Variants in PCCA observed in about 807,000 individuals in gnomAD.
PCCA encodes propionyl-CoA carboxylase subunit alpha, also known as propionyl-CoA carboxylase alpha chain, mitochondrial.
A neutral mutation model predicts 101.3 loss-of-function variants in PCCA; 74 were observed. That is an observed-to-expected ratio of 0.73 (90% CI 0.61 to 0.89). PCCA has a LOEUF of 0.89. PCCA is among the 40% of genes least tolerant of loss of function. PCCA has a pLI of 0.00. For synonymous variants in PCCA, 294 were observed against 313.6 expected (o/e 0.94, Z 0.66); for missense variants, 891 against 907.0 (o/e 0.98, Z 0.23).
At chr13:100,504,629 CT>C (rs1278706282) in intron 21 of PCCA, among the ~76,000 whole-genome samples, 1 of 152,150 alleles carries the variant, frequency 6.6e-6, no homozygotes, top group African/African-American at 2.4e-5. Flanking sequence ...TGTTCTGAGG[CT>C]TCTTCATACA....
At chr13:100,462,909 G>A (rs1329844618) in intron 21 of PCCA, among the ~76,000 whole-genome samples, 1 of 152,174 alleles carries the variant, frequency 6.6e-6, no homozygotes, top group Non-Finnish European at 1.5e-5. Flanking sequence ...GGGATTCTGG[G>A]GCTGAGGTGA....
chr13:100,478,267 G>A (rs1020968357), intron 21 of PCCA, among the ~76,000 whole-genome samples: 15 of 152,044 alleles, frequency 9.9e-5, no homozygotes, highest in African/African-American at 3.1e-4. Context: ...GCGGTCTGTC[G>A]CCATTGTGGC....
chr13:100,422,273 A>G (rs1203904351), intron 19 of PCCA, among the ~76,000 whole-genome samples: 3 of 151,456 alleles, frequency 2.0e-5, no homozygotes, highest in African/African-American at 7.3e-5. Flanking sequence ...AGCTGAGACT[A>G]CGGGCACTGG....
At chr13:100,300,508 G>C (rs2065982531) in intron 12 of PCCA, among the ~76,000 whole-genome samples, 1 of 152,130 alleles carries the variant, frequency 6.6e-6, no homozygotes, top group Non-Finnish European at 1.5e-5. Context: ...GACATGTCAT[G>C]ATAAAGAAAC....
At chr13:100,516,929 G>T (rs1442234036) in intron 22 of PCCA, among the ~76,000 whole-genome samples, 1 of 151,922 alleles carries the variant, frequency 6.6e-6, no homozygotes, top group Non-Finnish European at 1.5e-5. Context: ...ACAATATAAG[G>T]GTTTTGTTTT....
intron 1 of PCCA, among the ~76,000 whole-genome samples, chr13:100,092,568 A>T (rs2046380800): frequency 6.6e-6 from 1 of 151,740 alleles, no homozygotes; most frequent in African/African-American, 2.4e-5. Context: ...TTTAATTTTT[A>T]TTTTTTGTAG....
intron 19 of PCCA, among the ~76,000 whole-genome samples, chr13:100,416,626 G>A (rs1397209451): frequency 2.6e-5 from 4 of 151,310 alleles, no homozygotes; most frequent in Non-Finnish European, 5.9e-5. Context: ...TCCACCTGCC[G>A]GGTTCCAGTG....
rs566462815 is a variant in PCCA at position 100,416,815 on chromosome 13, G to A, written c.1747-8818G>A. Among the ~76,000 whole-genome samples, 3 of 151,910 alleles carry A rather than the reference G, an allele frequency of 2.0e-5. No individual in the cohort carries two copies. The South Asian group carries it at 6.2e-4, about 32-fold the overall frequency. On this transcript the variant is annotated intron_variant, in intron 19 of 23. Coordinates refer to ENST00000376285, the MANE Select transcript of PCCA (RefSeq NM_000282.4). ...TGGGATTACAGGTGCGTGAGCCACC[G>A]CGCCCGACCAGTATTATGTATATTC... is the stretch of plus-strand genomic sequence containing the variant.
intron 2 of PCCA, among the ~76,000 whole-genome samples, chr13:100,110,394 C>T (rs540433285): frequency 6.6e-6 from 1 of 152,212 alleles, no homozygotes; most frequent in South Asian, 2.1e-4. Flanking sequence ...AATAGCTTTC[C>T]ATTTGAGTGC....
rs1343232747 is a variant in PCCA at position 100,229,453 on chromosome 13, T to G, written c.601-6389T>G. ...AGCTGTAATAAAGAAATCAATGTAC[T>G]TTATGTTCTCAGCTCCCACAATTTA... On this transcript the variant is annotated intron_variant, in intron 7 of 23. Coordinates refer to ENST00000376285, the MANE Select transcript of PCCA (RefSeq NM_000282.4). 2.6e-5 allele frequency among the ~76,000 whole-genome samples: 4 copies of G among 152,376 alleles called. No homozygotes were observed. The East Asian group carries it at 7.7e-4, about 29-fold the overall frequency.
Position 100,169,015 on chromosome 13 carries a change from A to G in PCCA, c.468+11675A>G, listed in dbSNP as rs182600189. 8.5e-4 allele frequency among the ~76,000 whole-genome samples: 129 copies of G among 152,316 alleles called. No homozygotes were observed. The East Asian group carries it at 0.011, about 13-fold the overall frequency. On this transcript the variant is annotated intron_variant, in intron 6 of 23. Coordinates refer to ENST00000376285, the MANE Select transcript of PCCA (RefSeq NM_000282.4). ...CCAGTGTTTTACAGACTGACATTCTATTGAATCTTAAAATAGAATATAGCT... is the reference window on the plus strand; with the variant it reads ...CCAGTGTTTTACAGACTGACATTCTGTTGAATCTTAAAATAGAATATAGCT...
At chr13:100,124,655 TC>T (rs1332042843) in intron 4 of PCCA, among the ~76,000 whole-genome samples, 1 of 152,122 alleles carries the variant, frequency 6.6e-6, no homozygotes, top group Non-Finnish European at 1.5e-5. Flanking sequence ...GTATGTTGGT[TC>T]CAGCTGAACA....
At chr13:100,182,068 C>T (rs2056838471) in intron 6 of PCCA, among the ~76,000 whole-genome samples, 1 of 145,186 alleles carries the variant, frequency 6.9e-6, no homozygotes, top group Non-Finnish European at 1.5e-5. Context: ...TGAAAGAACA[C>T]TTAGTTACTA....
At chr13:100,178,788 A>G (rs2056477065) in intron 6 of PCCA, among the ~76,000 whole-genome samples, 1 of 152,094 alleles carries the variant, frequency 6.6e-6, no homozygotes, top group Non-Finnish European at 1.5e-5. Flanking sequence ...AATTAATTAA[A>G]ATGTGTGGGC....
chr13:100,133,040 A>G (rs1477367268), intron 4 of PCCA, among the ~76,000 whole-genome samples: 1 of 152,050 alleles, frequency 6.6e-6, no homozygotes, highest in African/African-American at 2.4e-5. Context: ...CAGCCTCCCA[A>G]ACTGCTAGGA....
intron 18 of PCCA, among the ~76,000 whole-genome samples, chr13:100,356,131 C>A (rs917572922): frequency 6.6e-6 from 1 of 152,076 alleles, no homozygotes; most frequent in Admixed American, 6.5e-5. Context: ...GAATCATAGA[C>A]CTAAATGTAA....
chr13:100,473,905 C>G (rs2083216660), intron 21 of PCCA, among the ~76,000 whole-genome samples: 1 of 152,232 alleles, frequency 6.6e-6, no homozygotes, highest in Non-Finnish European at 1.5e-5. Flanking sequence ...ACACATTGTG[C>G]TGCCACAGGC....
intron 18 of PCCA, among the ~76,000 whole-genome samples, chr13:100,346,639 G>A (rs1190618969): frequency 6.6e-6 from 1 of 152,190 alleles, no homozygotes. Context: ...AATTTTGAAA[G>A]AAGTTCTACT....
chr13:100,209,536 G>T, intron 7 of PCCA, 73 bp downstream of exon 7: 1 of 1,310,786 alleles, frequency 7.6e-7, no homozygotes, highest in Non-Finnish European at 1.1e-6. Context: ...AAGATAAAAT[G>T]TAACTATTGC....
Sources: gnomAD v4.1 joint callset for allele counts (sites outside exome capture counted in the v4.1 genomes callset) on GRCh38, gnomAD v4.1.1 for gene constraint, MANE v1.5 for transcripts, NCBI Gene and HGNC (gene_info 2026-07-23, HGNC 2026-07-21) for gene names.